WWOX: variants seen among roughly 807,000 people sequenced by gnomAD.
The protein encoded by WWOX is WW domain-containing oxidoreductase.
Under a neutral mutation model 46.2 loss-of-function variants are expected in WWOX, and 69 were observed. The ratio of observed to expected loss-of-function variants is 1.49; its 90% CI spans 1.23 to 1.82. The LOEUF (loss-of-function observed/expected upper bound fraction) is 1.82. WWOX is among the 40% of genes most tolerant of loss of function. The pLI is 0.00. For synonymous variants in WWOX, 359 were observed against 202.6 expected, an observed-to-expected ratio of 1.77 and a Z score of -6.56; for missense variants, 919 against 542.6, an observed-to-expected ratio of 1.69 and a Z score of -6.89.
chr16:78,951,345 A>T (rs199691395), intron 8 of WWOX, among the ~76,000 whole-genome samples: 1 of 126 alleles, frequency 7.9e-3, no homozygotes, highest in East Asian at 0.5. Context: ...CTATAGCTTC[A>T]AGCAAGAGTC....
chr16:78,235,311 T>G (rs182810482), intron 5 of WWOX, among the ~76,000 whole-genome samples: 1 of 152,182 alleles, frequency 6.6e-6, no homozygotes, highest in South Asian at 2.1e-4. Flanking sequence ...AGAGGATGTG[T>G]CACTTTGCCA....
At chr16:79,071,025 C>A (rs542194460) in intron 8 of WWOX, among the ~76,000 whole-genome samples, 1 of 152,098 alleles carries the variant, frequency 6.6e-6, no homozygotes, top group African/African-American at 2.4e-5. Flanking sequence ...TCGAGGGATG[C>A]AGCCCATACG....
chr16:78,212,176 A>G (rs1258715700), intron 5 of WWOX, among the ~76,000 whole-genome samples: 2 of 152,158 alleles, frequency 1.3e-5, no homozygotes, highest in Non-Finnish European at 2.9e-5. Context: ...TGCTGGGAGC[A>G]TTTCAGCTCT....
At chr16:78,999,432 T>C (rs1419708901) in intron 8 of WWOX, among the ~76,000 whole-genome samples, 1 of 152,068 alleles carries the variant, frequency 6.6e-6, no homozygotes, top group Non-Finnish European at 1.5e-5. Flanking sequence ...ATTGCACCAT[T>C]GCACTCCAGC....
chr16:79,132,166 A>ACACACC (rs1260096040), intron 8 of WWOX, among the ~76,000 whole-genome samples: 2,677 of 141,832 alleles, frequency 0.019, 94 homozygotes, highest in African/African-American at 0.068. Flanking sequence ...ACACACACAC[A>ACACACC]CCCCTTCCTA....
intron 3 of WWOX, among the ~76,000 whole-genome samples, chr16:78,114,672 A>C (rs1323937872): frequency 6.6e-6 from 1 of 152,144 alleles, no homozygotes; most frequent in Non-Finnish European, 1.5e-5. Context: ...AATTACATAA[A>C]AGCCCAAAAC....
intron 4 of WWOX, among the ~76,000 whole-genome samples, chr16:78,155,730 A>G (rs2034575397): frequency 1.3e-5 from 2 of 152,228 alleles, no homozygotes; most frequent in Admixed American, 6.5e-5. Flanking sequence ...TTAGTAAACC[A>G]TTGCCTTCAT....
At chr16:78,737,667 A>G (rs982620282) in intron 8 of WWOX, among the ~76,000 whole-genome samples, 1 of 152,142 alleles carries the variant, frequency 6.6e-6, no homozygotes. Context: ...CTCCCAGTCT[A>G]CAGGGTTATA....
At chr16:79,087,350 A>G (rs2048872709) in intron 8 of WWOX, among the ~76,000 whole-genome samples, 1 of 152,230 alleles carries the variant, frequency 6.6e-6, no homozygotes, top group Non-Finnish European at 1.5e-5. Context: ...TAGCATGGGC[A>G]GGGGAGAAGA....
chr16:78,268,005 G>A (rs1239826549), intron 5 of WWOX, among the ~76,000 whole-genome samples: 2 of 152,166 alleles, frequency 1.3e-5, no homozygotes, highest in Non-Finnish European at 2.9e-5. Context: ...TTTTAGTAGA[G>A]ACAGGGTTTT....
At chr16:78,914,527 G>C (rs577771016) in intron 8 of WWOX, among the ~76,000 whole-genome samples, 1 of 152,066 alleles carries the variant, frequency 6.6e-6, no homozygotes, top group East Asian at 1.9e-4. Context: ...ATGCTTTGTG[G>C]AATGAAATGG....
chr16:78,795,201 T>TTGCGGGCATTA (rs1174365641), intron 8 of WWOX, among the ~76,000 whole-genome samples: 3 of 152,216 alleles, frequency 2.0e-5, no homozygotes, highest in Admixed American at 1.3e-4. Context: ...GCTAAGTGCT[T>TTGCGGGCATTA]TGCGGGCATT....
chr16:79,084,729 G>A (rs1241945947), intron 8 of WWOX, among the ~76,000 whole-genome samples: 1 of 149,530 alleles, frequency 6.7e-6, no homozygotes, highest in Non-Finnish European at 1.5e-5. Flanking sequence ...TAATTTCTAA[G>A]TATTATTTCT....
At position 78,338,367 on chromosome 16, in the gene WWOX, G is replaced by T. The variant is rs2080940311; in HGVS notation, c.517-48493G>T. 1.7e-5 allele frequency among the ~76,000 whole-genome samples: 2 copies of T among 120,844 alleles called. 1 individual carries two copies. Among genetic ancestry groups the T allele is most frequent in the Admixed American group, 1.6e-4 (2 of 12,472 alleles). 79.3% of individuals were successfully genotyped at this position (120,844 alleles called of 152,430 possible). On this transcript the variant is annotated intron_variant, in intron 5 of 8. Coordinates refer to ENST00000566780, the MANE Select transcript of WWOX (RefSeq NM_016373.4). ...TGAAGTCTGTAGAGACAAAATTGTT[G>T]TTTTCCCCAGTTGTAAAGTGTGCAA...
intron 5 of WWOX, among the ~76,000 whole-genome samples, chr16:78,204,720 G>T (rs1014751118): frequency 5.3e-5 from 8 of 152,234 alleles, no homozygotes; most frequent in Middle Eastern, 3.4e-3. Context: ...AGGCAGGAAG[G>T]CCCTGAGAAA....
intron 8 of WWOX, among the ~76,000 whole-genome samples, chr16:79,001,327 A>C (rs895033801): frequency 2.0e-5 from 3 of 151,416 alleles, no homozygotes; most frequent in South Asian, 4.2e-4. Context: ...TATTCTCAGC[A>C]GGAGAGTCAG....
chr16:78,497,340 C>T (rs2084942326), intron 8 of WWOX, among the ~76,000 whole-genome samples: 1 of 152,166 alleles, frequency 6.6e-6, no homozygotes. Flanking sequence ...GAGACTTAAA[C>T]ATAAGATCTG....
At chr16:78,403,719 A>G (rs1249760206) in intron 6 of WWOX, among the ~76,000 whole-genome samples, 1 of 152,250 alleles carries the variant, frequency 6.6e-6, no homozygotes, top group Non-Finnish European at 1.5e-5. Context: ...ATTGTCCCAC[A>G]AGGAAAGCAT....
intron 8 of WWOX, among the ~76,000 whole-genome samples, chr16:79,036,561 C>G (rs2047870754): frequency 6.6e-6 from 1 of 152,156 alleles, no homozygotes; most frequent in African/African-American, 2.4e-5. Context: ...ATTATCGGAG[C>G]TCTTGGCTTA....
Sources: gnomAD v4.1 joint callset for allele counts (sites outside exome capture counted in the v4.1 genomes callset) on GRCh38, gnomAD v4.1.1 for gene constraint, MANE v1.5 for transcripts, NCBI Gene and HGNC (gene_info 2026-07-23, HGNC 2026-07-21) for gene names.